Variants in CTNND2 observed in about 807,000 individuals in gnomAD.
CTNND2 encodes the protein catenin delta 2, also known as catenin delta-2.
A neutral mutation model predicts 144.4 loss-of-function variants in CTNND2; 22 were observed. The ratio of observed to expected loss-of-function variants is 0.15; its 90% CI spans 0.11 to 0.22. The LOEUF (loss-of-function observed/expected upper bound fraction) is 0.22, where lower values mean the gene tolerates loss of function less well. Ranked by LOEUF, CTNND2 falls within the 10% of genes least tolerant of loss-of-function variation. The pLI is 1.00. For missense variants in CTNND2, 1,353 were observed against 1,618.8 expected (o/e 0.84, Z 2.82); for synonymous variants, 751 against 695.6 (o/e 1.08, Z -1.25).
chr5:11,473,952 A>G (rs26142), intron 3 of CTNND2, among the ~76,000 whole-genome samples: 93,150 of 152,148 alleles, frequency 0.61, 29,727 homozygotes, highest in African/African-American at 0.78. Flanking sequence ...CTTCCGCATC[A>G]TCTTGTGACC....
At chr5:11,162,340 T>C (rs189581349) in intron 11 of CTNND2, among the ~76,000 whole-genome samples, 1 of 152,284 alleles carries the variant, frequency 6.6e-6, no homozygotes, top group Admixed American at 6.5e-5. Context: ...AGGCCAAATC[T>C]AGTACCTGAC....
chr5:11,298,317 T>G (rs1195826667), intron 9 of CTNND2, among the ~76,000 whole-genome samples: 1 of 152,128 alleles, frequency 6.6e-6, no homozygotes, highest in Non-Finnish European at 1.5e-5. Context: ...ACTACAGGTA[T>G]GCACCACCAT....
intron 16 of CTNND2, among the ~76,000 whole-genome samples, chr5:11,041,091 A>G (rs1293960943): frequency 6.6e-6 from 1 of 152,226 alleles, no homozygotes; most frequent in African/African-American, 2.4e-5. Context: ...TTGGAATAGC[A>G]GTAATTCATT....
intron 15 of CTNND2, among the ~76,000 whole-genome samples, chr5:11,086,978 T>C (rs1750224263): frequency 6.6e-6 from 1 of 152,246 alleles, no homozygotes; most frequent in South Asian, 2.1e-4. Flanking sequence ...GAATCCATTA[T>C]AGTGCTAAAA....
At chr5:11,867,469 G>C (rs1171592702) in intron 1 of CTNND2, among the ~76,000 whole-genome samples, 1 of 152,178 alleles carries the variant, frequency 6.6e-6, no homozygotes. Context: ...TCCACATGGA[G>C]ATGTCAGTTC....
At chr5:11,194,372 G>A (rs1046201866) in intron 11 of CTNND2, among the ~76,000 whole-genome samples, 1 of 152,166 alleles carries the variant, frequency 6.6e-6, no homozygotes, top group South Asian at 2.1e-4. Context: ...GGAAAGTACT[G>A]TCCCCTTCCT....
chr5:11,853,134 G>C (rs137964385), intron 1 of CTNND2, among the ~76,000 whole-genome samples: 1 of 152,122 alleles, frequency 6.6e-6, no homozygotes, highest in Non-Finnish European at 1.5e-5. Flanking sequence ...TCTTGTGCTA[G>C]GGAAAACTCA....
chr5:11,470,980 A>ATATATATATATATTTT (rs1219093645), intron 3 of CTNND2, among the ~76,000 whole-genome samples: 4 of 91,578 alleles, frequency 4.4e-5, no homozygotes, highest in East Asian at 2.8e-4. Context: ...ATATATATAT[A>ATATATATATATATTTT]TTTTTTTTTT....
intron 2 of CTNND2, among the ~76,000 whole-genome samples, chr5:11,595,652 T>C (rs536564013): frequency 6.6e-6 from 1 of 152,278 alleles, no homozygotes; most frequent in Admixed American, 6.5e-5. Flanking sequence ...ATGGAATGTA[T>C]AGTTGACCAT....
chr5:11,584,155 G>C (rs372120701), intron 2 of CTNND2, among the ~76,000 whole-genome samples: 1 of 152,108 alleles, frequency 6.6e-6, no homozygotes, highest in Non-Finnish European at 1.5e-5. Flanking sequence ...AAGAGCATGG[G>C]GGCTTGAAAT....
chr5:11,061,396 C>T (rs185327083), intron 16 of CTNND2, among the ~76,000 whole-genome samples: 1 of 152,320 alleles, frequency 6.6e-6, no homozygotes, highest in Non-Finnish European at 1.5e-5. Flanking sequence ...ATCCAACTTC[C>T]TTATCCAGGC....
chr5:11,756,672 A>T (rs1038700331), intron 1 of CTNND2, among the ~76,000 whole-genome samples: 40 of 134,902 alleles, frequency 3.0e-4, no homozygotes, highest in Admixed American at 7.5e-5. Flanking sequence ...ACACACACAC[A>T]CTTAACAGAA....
chr5:11,349,051 T>C (rs1755080354), intron 8 of CTNND2, among the ~76,000 whole-genome samples: 1 of 152,178 alleles, frequency 6.6e-6, no homozygotes. Context: ...TTTTGGTCAG[T>C]TCTTGGCACT....
intron 5 of CTNND2, among the ~76,000 whole-genome samples, chr5:11,399,064 C>T (rs570142941): frequency 6.6e-6 from 1 of 152,266 alleles, no homozygotes; most frequent in Admixed American, 6.5e-5. Context: ...TTTGTCCCTC[C>T]GAAGGTCACA....
intron 2 of CTNND2, among the ~76,000 whole-genome samples, chr5:11,607,423 T>C (rs1335775445): frequency 6.6e-6 from 1 of 152,058 alleles, no homozygotes; most frequent in Non-Finnish European, 1.5e-5. Context: ...AAGATGAAAA[T>C]ATGGCAAGAA....
intron 10 of CTNND2, among the ~76,000 whole-genome samples, chr5:11,203,980 CTT>C (rs1737781197): frequency 6.6e-6 from 1 of 152,138 alleles, no homozygotes; most frequent in East Asian, 1.9e-4. Context: ...CTTAAACTCA[CTT>C]ATTGAGTTTA....
At chr5:11,063,150 A>C (rs1299628106) in intron 16 of CTNND2, among the ~76,000 whole-genome samples, 2 of 152,180 alleles carry the variant, frequency 1.3e-5, no homozygotes, top group African/African-American at 4.8e-5. Context: ...ATAAGGAAAG[A>C]CCATCTATTC....
chr5:11,589,106 G>T, intron 2 of CTNND2: 1 of 857,308 alleles, frequency 1.2e-6, no homozygotes, highest in Non-Finnish European at 1.4e-6. Flanking sequence ...AGTTCAGCCA[G>T]GCACAAAGGT....
At chr5:11,186,703 C>A (rs760804385) in intron 11 of CTNND2, among the ~76,000 whole-genome samples, 1 of 152,134 alleles carries the variant, frequency 6.6e-6, no homozygotes, top group African/African-American at 2.4e-5. Context: ...GAGGGTATTG[C>A]TAAATGTGTG....
Sources: gnomAD v4.1 joint callset for allele counts (sites outside exome capture counted in the v4.1 genomes callset) on GRCh38, gnomAD v4.1.1 for gene constraint, MANE v1.5 for transcripts, NCBI Gene and HGNC (gene_info 2026-07-23, HGNC 2026-07-21) for gene names.